DCHS2: variants seen among roughly 807,000 people sequenced by gnomAD.
The protein encoded by DCHS2 is protocadherin-23.
A neutral mutation model predicts 182.4 loss-of-function variants in DCHS2; 142 were observed. The observed-to-expected ratio is 0.78, with a 90% confidence interval of 0.68 to 0.89. The LOEUF is 0.89. Among genes scored for constraint, DCHS2 ranks in the 40% least tolerant of loss-of-function variants. The pLI is 0.00. For synonymous variants in DCHS2, 1,740 were observed against 1,663.3 expected (o/e 1.05, Z -1.12); for missense variants, 4,319 against 4,198.6 (o/e 1.03, Z -0.79).
rs1735065459 is a variant in DCHS2 at position 154,298,593 on chromosome 4, G to A, written c.5721C>T (p.Asp1907=). The A allele has an allele frequency of 1.9e-6, 3 of 1,613,976 alleles. No individual in the cohort carries two copies. The highest frequency in any genetic ancestry group is 1.1e-5 in the South Asian group (1 of 91,072). The change falls in exon 13 of 20, where the codon GAC becomes GAT. Residue 1907 remains aspartate, a synonymous_variant. Coordinates refer to ENST00000357232, the MANE Select transcript of DCHS2 (RefSeq NM_001358235.2). ...CAGAGCTCCTAGGTGGATCTCCCAGGTCAGAGCACAGAATGACAAGGGTAA... is the reference window on the plus strand; with the variant it reads ...CAGAGCTCCTAGGTGGATCTCCCAGATCAGAGCACAGAATGACAAGGGTAA... The part of the protein sequence containing the change: ...SNFTLVILCS[D]LGDPPRSSVI...
intron 3 of DCHS2, among the ~76,000 whole-genome samples, chr4:154,344,900 G>T (rs996556288): frequency 6.6e-6 from 1 of 152,222 alleles, no homozygotes. Context: ...CCTGGTGAGG[G>T]CAGTGCTCAC....
chr4:154,349,714 C>T (rs1470252317), intron 3 of DCHS2, among the ~76,000 whole-genome samples: 2 of 152,128 alleles, frequency 1.3e-5, no homozygotes, highest in African/African-American at 4.8e-5. Flanking sequence ...TGGTAAAACT[C>T]ATGCATTTTT....
chr4:154,380,931 T>C (rs1228177194), intron 1 of DCHS2, among the ~76,000 whole-genome samples: 3 of 152,056 alleles, frequency 2.0e-5, no homozygotes, highest in Non-Finnish European at 4.4e-5. Context: ...TTTAGGCAAA[T>C]TGAGTAATAG....
intron 17 of DCHS2, 102 bp downstream of exon 17, chr4:154,242,540 T>C (rs1374121128): frequency 2.1e-6 from 3 of 1,408,902 alleles, no homozygotes; most frequent in African/African-American, 3.0e-5. Context: ...TGCTTGGTTG[T>C]TGAGGATTAG....
rs765860262 is a variant in DCHS2 at position 154,318,702 on chromosome 4, A to G, written c.5020+1677T>C. Among the ~76,000 whole-genome samples the G allele has an allele frequency of 2.6e-4, 39 of 152,270 alleles. No individual in the cohort carries two copies. The Middle Eastern group carries it at 0.01, about 40-fold the overall frequency. On this transcript the variant is annotated intron_variant, in intron 9 of 19. Transcript: ENST00000357232. ...ACAAAACAATGATGAAAGAAATTAA[A>G]GAAGATACAAATGGAAAGACATGTA...
At chr4:154,307,441 GCACACACACACA>G (rs34718837) in intron 10 of DCHS2, among the ~76,000 whole-genome samples, 9 of 149,976 alleles carry the variant, frequency 6.0e-5, no homozygotes, top group African/African-American at 2.2e-4. Flanking sequence ...ATGTGCGCGC[GCACACACACACA>G]CACACACACA....
intron 13 of DCHS2, 116 bp from the exon 14 acceptor site, chr4:154,270,129 T>C: frequency 8.0e-7 from 1 of 1,255,346 alleles, no homozygotes; most frequent in Non-Finnish European, 1.1e-6. Flanking sequence ...GTTCATTGAT[T>C]CAACAATAAC....
chr4:154,344,497 C>T (rs1729265144), intron 3 of DCHS2, among the ~76,000 whole-genome samples: 1 of 152,166 alleles, frequency 6.6e-6, no homozygotes, highest in Non-Finnish European at 1.5e-5. Flanking sequence ...TTGTTTTGGT[C>T]AGGGTCTAAT....
At chr4:154,237,767 T>C (rs1251970901) in intron 19 of DCHS2, among the ~76,000 whole-genome samples, 2 of 152,198 alleles carry the variant, frequency 1.3e-5, no homozygotes, top group Admixed American at 1.3e-4. Context: ...ATTTTTAAGA[T>C]AAATATGTCT....
In DCHS2 at chr4:154,265,559, G is replaced by A. The variant is rs1392536069; in HGVS notation, c.6577+4341C>T. ...TTCAGGAGGCCAAGGCAAGGAGATT[G>A]CTCGAGTTCAGGAGTTTGAGGCCAG... is the stretch of plus-strand genomic sequence containing the variant. On this transcript the variant is annotated intron_variant, in intron 14 of 19. Coordinates refer to ENST00000357232, the MANE Select transcript of DCHS2 (RefSeq NM_001358235.2). Among the ~76,000 whole-genome samples, 3 of 152,280 alleles carry A rather than the reference G, an allele frequency of 2.0e-5. No individual in the cohort carries two copies. The East Asian group carries it at 5.8e-4, about 29-fold the overall frequency.
intron 1 of DCHS2, among the ~76,000 whole-genome samples, chr4:154,460,556 A>C (rs1042241856): frequency 2.6e-5 from 4 of 152,156 alleles, no homozygotes; most frequent in Non-Finnish European, 5.9e-5. Flanking sequence ...TAGCAATGTT[A>C]TTACTTAGTA....
intron 1 of DCHS2, among the ~76,000 whole-genome samples, chr4:154,431,633 G>C (rs1397237910): frequency 6.6e-6 from 1 of 152,240 alleles, no homozygotes; most frequent in East Asian, 1.9e-4. Flanking sequence ...ATCAGTCCCA[G>C]TTAAATCTCT....
chr4:154,367,101 G>T (rs1276805390), intron 2 of DCHS2, among the ~76,000 whole-genome samples: 1 of 152,180 alleles, frequency 6.6e-6, no homozygotes, highest in African/African-American at 2.4e-5. Flanking sequence ...TACCTCTCAG[G>T]CCTGCTCAGC....
intron 1 of DCHS2, among the ~76,000 whole-genome samples, chr4:154,401,643 G>A (rs1250699830): frequency 6.6e-6 from 1 of 152,028 alleles, no homozygotes; most frequent in Non-Finnish European, 1.5e-5. Flanking sequence ...TATGGTCTGG[G>A]CATTTTGTTT....
At chr4:154,449,715 T>C (rs1299033946) in intron 1 of DCHS2, among the ~76,000 whole-genome samples, 1 of 152,214 alleles carries the variant, frequency 6.6e-6, no homozygotes, top group Non-Finnish European at 1.5e-5. Flanking sequence ...AAGTAAAAGC[T>C]GAAAATGTGT....
intron 12 of DCHS2, chr4:154,298,935 C>T (rs1735087482): frequency 2.2e-6 from 1 of 451,700 alleles, no homozygotes; most frequent in Admixed American, 4.1e-5. Context: ...TGATTCAATG[C>T]CTATCTTTAA....
chr4:154,266,623 T>G (rs1419407558), intron 14 of DCHS2, among the ~76,000 whole-genome samples: 10 of 149,738 alleles, frequency 6.7e-5, no homozygotes, highest in African/African-American at 2.2e-4. Flanking sequence ...GCCACTGCAC[T>G]TCAGCCTGGG....
rs1579037051 is a variant in DCHS2, at chr4:154,388,759, G to A, written c.2053-11315C>T. 2.0e-5 allele frequency among the ~76,000 whole-genome samples: 3 copies of A among 152,090 alleles called. No homozygotes were observed. In the South Asian group the frequency reaches 6.2e-4, roughly 31 times the overall value. ...TCCACCCGCCTCGGCCTCCCAAAGT[G>A]CTGGGATTACAGGCGTAAGCCACTG... On this transcript the variant is annotated intron_variant, in intron 1 of 19. Coordinates refer to ENST00000357232, the MANE Select transcript of DCHS2 (RefSeq NM_001358235.2).
At chr4:154,261,630 CTG>C (rs1489858247) in intron 14 of DCHS2, 1 of 151,980 alleles carries the variant, frequency 6.6e-6, no homozygotes, top group Non-Finnish European at 1.5e-5. Context: ...TTCAAATATT[CTG>C]TCTTTGTTAT....
Sources: allele counts gnomAD v4.1 joint callset (sites outside exome capture counted in the v4.1 genomes callset), GRCh38; gene constraint gnomAD v4.1.1; transcripts MANE v1.5; gene names NCBI Gene and HGNC (gene_info 2026-07-23, HGNC 2026-07-21).